EDIL3: variants seen among roughly 807,000 people sequenced by gnomAD.
The protein encoded by EDIL3 is EGF-like repeat and discoidin I-like domain-containing protein 3.
Under a neutral mutation model 67.4 loss-of-function variants are expected in EDIL3, and 37 were observed. The ratio of observed to expected loss-of-function variants is 0.55; its 90% CI spans 0.42 to 0.72. The LOEUF (loss-of-function observed/expected upper bound fraction) is 0.72, where lower values mean the gene tolerates loss of function less well. Among genes scored for constraint, EDIL3 ranks in the 30% least tolerant of loss-of-function variants. EDIL3 has a pLI of 0.00. For synonymous variants in EDIL3, 195 were observed against 196.3 expected (o/e 0.99, Z 0.05); for missense variants, 527 against 586.3 (o/e 0.90, Z 1.04).
chr5:84,009,000 T>C (rs943998109), intron 9 of EDIL3, among the ~76,000 whole-genome samples: 13 of 152,042 alleles, frequency 8.6e-5, no homozygotes, highest in African/African-American at 3.1e-4. Context: ...TTAGTAAAGA[T>C]GGGAGTCTCA....
At chr5:84,003,142 C>T (rs1692047905) in intron 9 of EDIL3, among the ~76,000 whole-genome samples, 1 of 152,152 alleles carries the variant, frequency 6.6e-6, no homozygotes, top group African/African-American at 2.4e-5. Flanking sequence ...AGAAAGGAGG[C>T]CAGACTGTTT....
At chr5:84,101,124 T>C (rs1039730092) in intron 6 of EDIL3, among the ~76,000 whole-genome samples, 2 of 152,088 alleles carry the variant, frequency 1.3e-5, no homozygotes, top group African/African-American at 4.8e-5. Flanking sequence ...CAATGGTAAT[T>C]TAATGACAGT....
At chr5:84,119,292 T>C (rs761841457) in intron 5 of EDIL3, among the ~76,000 whole-genome samples, 1 of 150,864 alleles carries the variant, frequency 6.6e-6, no homozygotes, top group Non-Finnish European at 1.5e-5. Flanking sequence ...CAAAATGTTA[T>C]TCAATAATAA....
chr5:84,076,353 T>C (rs1003103727), intron 6 of EDIL3, among the ~76,000 whole-genome samples: 3 of 152,226 alleles, frequency 2.0e-5, no homozygotes, highest in Non-Finnish European at 4.4e-5. Flanking sequence ...AAAAGTTTGC[T>C]TTTTAAATTT....
At chr5:84,027,394 A>C (rs1426354836) in intron 9 of EDIL3, among the ~76,000 whole-genome samples, 2 of 152,186 alleles carry the variant, frequency 1.3e-5, no homozygotes, top group Non-Finnish European at 2.9e-5. Context: ...CAGTCTTCAA[A>C]CATATGCTGT....
At chr5:84,157,066 G>GA (rs1013360387) in intron 4 of EDIL3, among the ~76,000 whole-genome samples, 1 of 151,754 alleles carries the variant, frequency 6.6e-6, no homozygotes, top group Non-Finnish European at 1.5e-5. Flanking sequence ...AAAGGTCTTA[G>GA]AAAAAAACAT....
chr5:84,299,128 G>C (rs1371998605), intron 1 of EDIL3, among the ~76,000 whole-genome samples: 1 of 152,124 alleles, frequency 6.6e-6, no homozygotes, highest in Admixed American at 6.5e-5. Flanking sequence ...AGGTAAGAGA[G>C]GACTACCTCT....
chr5:83,994,329 G>T (rs976408632), intron 9 of EDIL3, among the ~76,000 whole-genome samples: 6 of 150,792 alleles, frequency 4.0e-5, no homozygotes, highest in African/African-American at 1.5e-4. Context: ...CTTTTTGGAA[G>T]AGGATTTAAA....
At chr5:84,199,465 AC>A (rs1411479871) in intron 3 of EDIL3, among the ~76,000 whole-genome samples, 1 of 151,960 alleles carries the variant, frequency 6.6e-6, no homozygotes, top group Admixed American at 6.6e-5. Context: ...GGTAGATGTC[AC>A]TATTAACCAA....
At chr5:84,028,625 T>C (rs1211884842) in intron 9 of EDIL3, among the ~76,000 whole-genome samples, 2 of 152,034 alleles carry the variant, frequency 1.3e-5, no homozygotes, top group Non-Finnish European at 2.9e-5. Context: ...TTAGAAAATG[T>C]TTAAACTTCA....
intron 6 of EDIL3, among the ~76,000 whole-genome samples, chr5:84,093,118 C>T (rs565291312): frequency 3.3e-5 from 5 of 151,906 alleles, no homozygotes; most frequent in South Asian, 2.1e-4. Flanking sequence ...TAAACTGAGT[C>T]GCCAGGGCAT....
intron 1 of EDIL3, among the ~76,000 whole-genome samples, chr5:84,309,313 GT>G: frequency 0.017 from 1,484 of 89,240 alleles, 18 homozygotes; most frequent in African/African-American, 0.045. Flanking sequence ...TTTTTTCTTT[GT>G]TTTTTTTTTT....
intron 1 of EDIL3, among the ~76,000 whole-genome samples, chr5:84,284,861 C>G (rs1459115101): frequency 6.6e-6 from 1 of 152,058 alleles, no homozygotes; most frequent in Non-Finnish European, 1.5e-5. Flanking sequence ...TCTTAAAATG[C>G]ATTTTTTTTA....
At chr5:83,975,163 A>C (rs1744858097) in intron 9 of EDIL3, among the ~76,000 whole-genome samples, 1 of 152,026 alleles carries the variant, frequency 6.6e-6, no homozygotes, top group Non-Finnish European at 1.5e-5. Context: ...TCTTGACTGC[A>C]TGTGAGCAAT....
intron 9 of EDIL3, among the ~76,000 whole-genome samples, chr5:84,013,247 A>T (rs1396614340): frequency 6.6e-6 from 1 of 151,974 alleles, no homozygotes; most frequent in Non-Finnish European, 1.5e-5. Flanking sequence ...GGACACATTA[A>T]GGCAACTCAA....
intron 3 of EDIL3, among the ~76,000 whole-genome samples, chr5:84,214,528 T>C (rs1344410202): frequency 6.6e-6 from 1 of 152,216 alleles, no homozygotes; most frequent in Non-Finnish European, 1.5e-5. Context: ...TCAAATATTT[T>C]CAATATCTGG....
chr5:84,379,475 AGT>A (rs1748032930), intron 1 of EDIL3, among the ~76,000 whole-genome samples: 1 of 152,192 alleles, frequency 6.6e-6, no homozygotes, highest in Non-Finnish European at 1.5e-5. Context: ...ATCTCTTTCC[AGT>A]GCAGTAGATG....
At chr5:84,176,014 T>A (rs73769765) in intron 4 of EDIL3, among the ~76,000 whole-genome samples, 127 of 151,476 alleles carry the variant, frequency 8.4e-4, no homozygotes, top group African/African-American at 3.1e-3. Flanking sequence ...AAAAGTGAAA[T>A]ATGGAAGTTA....
intron 9 of EDIL3, among the ~76,000 whole-genome samples, chr5:84,011,681 C>G (rs1282536385): frequency 6.6e-6 from 1 of 152,184 alleles, no homozygotes; most frequent in South Asian, 2.1e-4. Flanking sequence ...TCGCACTGCT[C>G]TGGTCACAGT....
Sources: gnomAD v4.1 joint callset for allele counts (sites outside exome capture counted in the v4.1 genomes callset) on GRCh38, gnomAD v4.1.1 for gene constraint, MANE v1.5 for transcripts, NCBI Gene and HGNC (gene_info 2026-07-23, HGNC 2026-07-21) for gene names.